The following TBXA2R variants were observed in gnomAD, a reference collection of about 807,000 sequenced individuals.
TBXA2R encodes thromboxane A2 receptor.
Under a neutral mutation model 15.6 loss-of-function variants are expected in TBXA2R, and 15 were observed. The observed-to-expected ratio is 0.96, with a 90% CI of 0.64 to 1.48. The LOEUF (loss-of-function observed/expected upper bound fraction) is 1.48. Among genes scored for constraint, TBXA2R ranks in the 40% most tolerant of loss-of-function variants. The probability of loss-of-function intolerance (pLI) is 0.00; values close to 1 mark genes in which losing one functional copy is unlikely to be tolerated. For missense variants in TBXA2R, 506 were observed against 491.4 expected (o/e 1.03, Z -0.28); for synonymous variants, 280 against 241.2 (o/e 1.16, Z -1.49).
chr19:3,595,941 G>A lies in TBXA2R; in HGVS notation c.787-8C>T, dbSNP rs981427425. ...TGTCTGGGCGATGAAGACCTGCAAAGGGGAGAGCTGTCAGCCTGGGCCCCC... is the reference window on the plus strand; with the variant it reads ...TGTCTGGGCGATGAAGACCTGCAAAAGGGAGAGCTGTCAGCCTGGGCCCCC... On this transcript the variant is annotated splice_region_variant and splice_polypyrimidine_tract_variant and intron_variant, in intron 2 of 2. Transcript: ENST00000375190. The A allele has an allele frequency of 3.8e-6, 6 of 1,581,118 alleles. No individual in the cohort carries two copies. The African/African-American group carries it at 8.1e-5, about 21-fold the overall frequency.
intron 2 of TBXA2R, among the ~76,000 whole-genome samples, chr19:3,597,406 C>T (rs1270146233): frequency 7.6e-6 from 1 of 131,182 alleles, no homozygotes; most frequent in Non-Finnish European, 1.7e-5. Flanking sequence ...TTAAATGTTA[C>T]ATTATATTAA....
chr19:3,595,377 T>G lies in TBXA2R; in HGVS notation c.*311A>C, dbSNP rs1568281512. On this transcript the variant is annotated 3_prime_UTR_variant, in exon 3 of 3. Transcript: ENST00000375190. Reference sequence around the variant, plus strand: ...CTGGGGGACAGAGCAAGACTCCGTCTAAAAAAAAAAATAGCAATGCAAGAC... The same window carrying G: ...CTGGGGGACAGAGCAAGACTCCGTCGAAAAAAAAAAATAGCAATGCAAGAC... The G allele has an allele frequency of 7.8e-6, 8 of 1,028,906 alleles. No homozygotes were observed. Among genetic ancestry groups the G allele is most frequent in the African/African-American group, 1.7e-5 (1 of 60,150 alleles). 63.7% of individuals were successfully genotyped at this position (1,028,906 alleles called of 1,614,324 possible).
Position 3,594,737 on chromosome 19 carries a change from G to T in TBXA2R, c.*951C>A. 1 of 1,103,226 alleles carries T rather than the reference G, an allele frequency of 9.1e-7. No individual in the cohort carries two copies. Among genetic ancestry groups the T allele is most frequent in the Non-Finnish European group, 1.3e-6 (1 of 785,414 alleles). The allele number at this position is 1,103,226 out of a possible 1,614,324, so 68.3% of individuals were successfully genotyped here. On this transcript the variant is annotated 3_prime_UTR_variant, in exon 3 of 3. Coordinates refer to ENST00000375190, the MANE Select transcript of TBXA2R (RefSeq NM_001060.6). ...TCGTCTGCTCCGGGTGAGGCCCAAT[G>T]CACAAACTCCAGAGATTGAAAACTT...
chr19:3,602,532 T>G (rs2032756887), intron 1 of TBXA2R, among the ~76,000 whole-genome samples: 1 of 150,812 alleles, frequency 6.6e-6, no homozygotes, highest in African/African-American at 2.4e-5. Flanking sequence ...AAGTCAGGAG[T>G]TTGAGACCAG....
At chr19:3,597,236 C>G (rs1396829325) in intron 2 of TBXA2R, among the ~76,000 whole-genome samples, 1 of 151,448 alleles carries the variant, frequency 6.6e-6, no homozygotes, top group East Asian at 1.9e-4. Context: ...GCCACCGCGC[C>G]TGGCAGGAAA....
intron 1 of TBXA2R, among the ~76,000 whole-genome samples, chr19:3,605,898 C>T (rs2032824605): frequency 6.6e-6 from 1 of 150,460 alleles, no homozygotes; most frequent in African/African-American, 2.5e-5. Flanking sequence ...AGAAACACGA[C>T]AGACATAGAC....
chr19:3,605,866 C>A (rs111064543), intron 1 of TBXA2R, among the ~76,000 whole-genome samples: 38 of 27,172 alleles, frequency 1.4e-3, no homozygotes, highest in East Asian at 6.4e-3. Context: ...AGACACACAG[C>A]CACACACAGA....
Position 3,598,345 on chromosome 19 carries a change from C to CT in TBXA2R, c.786+1503dup, listed in dbSNP as rs1300020033. On this transcript the variant is annotated intron_variant, in intron 2 of 2. Coordinates refer to ENST00000375190, the MANE Select transcript of TBXA2R (RefSeq NM_001060.6). ...TTTCTTTTCTTTCTTTCTTTCTTTT[C>CT]TTTTCTTTTTTTTTTTTTTTTTTGA... is the stretch of plus-strand genomic sequence containing the variant. Among the ~76,000 whole-genome samples the CT allele has an allele frequency of 6.0e-3, 693 of 115,260 alleles. 27 individuals carry two copies. Among genetic ancestry groups the CT allele is most frequent in the African/African-American group, 0.016 (434 of 27,704 alleles). The allele number at this position is 115,260 out of a possible 152,430, so 75.6% of individuals were successfully genotyped here.
chr19:3,599,476 CCTG>C (rs2145290651), intron 2 of TBXA2R, among the ~76,000 whole-genome samples: 1 of 152,260 alleles, frequency 6.6e-6, no homozygotes, highest in South Asian at 2.1e-4. Flanking sequence ...ACTACAGGTG[CCTG>C]CCACCACGCC....
intron 2 of TBXA2R, among the ~76,000 whole-genome samples, chr19:3,597,194 A>T (rs2032620596): frequency 6.6e-6 from 1 of 150,980 alleles, no homozygotes; most frequent in South Asian, 2.1e-4. Context: ...CACCCGCCTT[A>T]GCTTCCCAAA....
chr19:3,599,185 C>T (rs1207421864), intron 2 of TBXA2R, among the ~76,000 whole-genome samples: 1 of 151,876 alleles, frequency 6.6e-6, no homozygotes, highest in Non-Finnish European at 1.5e-5. Flanking sequence ...GGCAGGGTCT[C>T]ACTCTGTCAC....
chr19:3,603,110 C>G (rs1201461628), intron 1 of TBXA2R, among the ~76,000 whole-genome samples: 1 of 152,006 alleles, frequency 6.6e-6, no homozygotes, highest in Non-Finnish European at 1.5e-5. Context: ...CACAGCACAG[C>G]GGGCACTCAA....
chr19:3,600,916 C>T (rs1003398480), intron 1 of TBXA2R, among the ~76,000 whole-genome samples, 199 bp from the exon 2 acceptor site: 2 of 147,864 alleles, frequency 1.4e-5, no homozygotes, highest in African/African-American at 5.0e-5. Flanking sequence ...GCAGCCTCGA[C>T]CTTCTGGACC....
intron 1 of TBXA2R, among the ~76,000 whole-genome samples, chr19:3,602,892 C>T (rs917015578): frequency 6.6e-6 from 1 of 151,990 alleles, no homozygotes; most frequent in African/African-American, 2.4e-5. Context: ...AAAAATTAGC[C>T]AGGCGTGGTG....
rs528449012 is a variant in TBXA2R at position 3,595,376 on chromosome 19, C to CT, written c.*311dup. 2.6e-5 allele frequency: 35 copies of CT among 1,367,992 alleles called. No homozygotes were observed. The South Asian group carries it at 6.8e-4, about 26-fold the overall frequency. 84.7% of individuals were successfully genotyped at this position (1,367,992 alleles called of 1,614,324 possible). The stretch of plus-strand genomic sequence containing the variant: ...CCTGGGGGACAGAGCAAGACTCCGT[C>CT]TAAAAAAAAAAATAGCAATGCAAGA... On this transcript the variant is annotated 3_prime_UTR_variant, in exon 3 of 3. Coordinates refer to ENST00000375190, the MANE Select transcript of TBXA2R (RefSeq NM_001060.6).
intron 2 of TBXA2R, among the ~76,000 whole-genome samples, chr19:3,596,148 C>T (rs2145285627): frequency 1.3e-5 from 2 of 152,310 alleles, no homozygotes; most frequent in South Asian, 4.1e-4. Context: ...CCTCCCTCAG[C>T]CTTCCAAGTA....
At position 3,594,915 on chromosome 19, in the gene TBXA2R, G is replaced by A; in HGVS notation, c.*773C>T. 1 of 1,536,696 alleles carries A rather than the reference G, an allele frequency of 6.5e-7. No homozygotes were observed. The highest frequency in any genetic ancestry group is 1.2e-5 in the South Asian group (1 of 84,062). On this transcript the variant is annotated 3_prime_UTR_variant, in exon 3 of 3. Transcript: ENST00000375190. ...TACCCCAGCAAGTAGGTCAAATTCAGGGTCAAAGAGCATGCAAGGCCGGGC... is the reference window on the plus strand; with the variant it reads ...TACCCCAGCAAGTAGGTCAAATTCAAGGTCAAAGAGCATGCAAGGCCGGGC...
chr19:3,598,543 G>T (rs2032647798), intron 2 of TBXA2R, among the ~76,000 whole-genome samples: 1 of 151,468 alleles, frequency 6.6e-6, no homozygotes, highest in African/African-American at 2.4e-5. Flanking sequence ...GTAGAGATGG[G>T]GTTTCAACAT....
At chr19:3,596,814 C>T (rs1031330160) in intron 2 of TBXA2R, among the ~76,000 whole-genome samples, 1 of 151,378 alleles carries the variant, frequency 6.6e-6, no homozygotes, top group Non-Finnish European at 1.5e-5. Flanking sequence ...ATCTCCTGAC[C>T]TTGTGATCTG....
Sources: allele counts gnomAD v4.1 joint callset (sites outside exome capture counted in the v4.1 genomes callset), GRCh38; gene constraint gnomAD v4.1.1; transcripts MANE v1.5; gene names NCBI Gene and HGNC (gene_info 2026-07-23, HGNC 2026-07-21).